TEK: variants seen among roughly 807,000 people sequenced by gnomAD.
The protein encoded by TEK is TEK receptor tyrosine kinase.
TEK carries 43 observed loss-of-function variants against 131.8 expected under a neutral mutation model. The observed-to-expected ratio is 0.33, with a 90% CI of 0.26 to 0.42. The LOEUF is 0.42. Ranked by LOEUF, TEK falls within the 10% of genes least tolerant of loss-of-function variation. The pLI, the probability that TEK is intolerant of heterozygous loss-of-function variation, is 1.00. For synonymous variants in TEK, 580 were observed against 491.6 expected, an observed-to-expected ratio of 1.18 and a Z score of -2.38; for missense variants, 1,162 against 1,384.4, an observed-to-expected ratio of 0.84 and a Z score of 2.55.
intron 9 of TEK, among the ~76,000 whole-genome samples, chr9:27,185,977 G>T (rs1319927101): frequency 6.6e-6 from 1 of 152,124 alleles, no homozygotes; most frequent in Non-Finnish European, 1.5e-5. Context: ...TACAATACTT[G>T]GAGTTGTGTC....
chr9:27,162,551 G>T (rs547296136), intron 2 of TEK, among the ~76,000 whole-genome samples: 2 of 152,242 alleles, frequency 1.3e-5, no homozygotes, highest in African/African-American at 4.8e-5. Context: ...TTTCATTTGA[G>T]AAATAGCTTT....
intron 16 of TEK, among the ~76,000 whole-genome samples, chr9:27,209,783 G>A (rs1330013033): frequency 6.6e-6 from 1 of 152,198 alleles, no homozygotes; most frequent in South Asian, 2.1e-4. Context: ...ATCCTGTGTT[G>A]CACATGCATT....
chr9:27,140,733 T>G (rs6475968), intron 1 of TEK, among the ~76,000 whole-genome samples: 4 of 151,890 alleles, frequency 2.6e-5, no homozygotes, highest in Non-Finnish European at 5.9e-5. Context: ...TGCTATCTTC[T>G]AAAACTATTA....
chr9:27,180,272 A>G lies in TEK; in HGVS notation c.934A>G (p.Lys312Glu), dbSNP rs1483032110. 6.2e-7 allele frequency: 1 copy of G among 1,613,730 alleles called. No individual in the cohort carries two copies. The highest frequency in any genetic ancestry group is 1.3e-5 in the African/African-American group (1 of 74,878). The change falls in exon 7 of 23, where the codon AAG becomes GAG. Residue 312 changes from lysine (K) to glutamate (E), a missense_variant. By Grantham distance (56) the Lys-to-Glu change is moderately conservative. Coordinates refer to ENST00000380036, the MANE Select transcript of TEK (RefSeq NM_000459.5). ...CHPGFYGPDCKLRCSCNNGEM... is the reference protein window; with the variant it reads ...CHPGFYGPDCELRCSCNNGEM... ...CCCTGGTTTTTACGGGCCAGATTGT[A>G]AGCTTAGGTGCAGCTGCAACAATGG... is the stretch of plus-strand genomic sequence containing the variant.
chr9:27,224,140 G>T (rs1587054414), intron 21 of TEK, among the ~76,000 whole-genome samples: 1 of 152,150 alleles, frequency 6.6e-6, no homozygotes, highest in Non-Finnish European at 1.5e-5. Context: ...ACCAAAAAAA[G>T]TCCAGGACCA....
intron 1 of TEK, among the ~76,000 whole-genome samples, chr9:27,144,914 G>T (rs1308890487): frequency 6.6e-6 from 1 of 152,172 alleles, no homozygotes. Context: ...AAAATATTGG[G>T]AGAGTATATT....
At chr9:27,137,455 GC>G (rs67472543) in intron 1 of TEK, among the ~76,000 whole-genome samples, 78,507 of 151,576 alleles carry the variant, frequency 0.52, 21,276 homozygotes, top group African/African-American at 0.57. Context: ...AATTCTACTA[GC>G]TTAAAAGAAT....
chr9:27,123,198 T>G (rs569877302), intron 1 of TEK, among the ~76,000 whole-genome samples: 1 of 148,780 alleles, frequency 6.7e-6, no homozygotes, highest in South Asian at 2.2e-4. Flanking sequence ...GGGAGGGAGA[T>G]GGGGCGGGTA....
chr9:27,147,744 G>A (rs1176104713), intron 1 of TEK, among the ~76,000 whole-genome samples: 1 of 152,076 alleles, frequency 6.6e-6, no homozygotes, highest in Non-Finnish European at 1.5e-5. Context: ...TATTTTTAGT[G>A]AATTTTTGTA....
Position 27,117,414 on chromosome 9 carries a change from C to T in TEK, c.52+7772C>T, listed in dbSNP as rs190862348. Among the ~76,000 whole-genome samples the T allele has an allele frequency of 4.5e-4, 69 of 152,304 alleles. 1 individual carries two copies. The East Asian group carries it at 7.0e-3, about 15-fold the overall frequency. ...CCCTATTCTTACCCATCTGGCCAGA[C>T]GATTCCTTAACTCGTGTTACACCTG... On this transcript the variant is annotated intron_variant, in intron 1 of 22. Transcript: ENST00000380036.
At chr9:27,194,040 C>G (rs1445554086) in intron 11 of TEK, among the ~76,000 whole-genome samples, 2 of 152,138 alleles carry the variant, frequency 1.3e-5, no homozygotes, top group East Asian at 3.9e-4. Flanking sequence ...ACTCCTGCCT[C>G]AAGCAGTCCC....
intron 4 of TEK, among the ~76,000 whole-genome samples, chr9:27,171,282 A>G (rs1298531069): frequency 6.6e-6 from 1 of 152,182 alleles, no homozygotes; most frequent in Non-Finnish European, 1.5e-5. Context: ...CTTCAGGTCT[A>G]AATGCCTGGG....
At chr9:27,109,699 T>A in intron 1 of TEK, 57 bp downstream of exon 1, 1 of 1,570,254 alleles carries the variant, frequency 6.4e-7, no homozygotes, top group Non-Finnish European at 8.7e-7. Flanking sequence ...AGTTAGTGAT[T>A]TCTGGGTGCT....
At chr9:27,183,139 T>G (rs1014324421) in intron 7 of TEK, among the ~76,000 whole-genome samples, 1 of 152,198 alleles carries the variant, frequency 6.6e-6, no homozygotes, top group South Asian at 2.1e-4. Context: ...AGGGGAGATA[T>G]GGCCATGATA....
At chr9:27,167,078 A>G (rs1823757117) in intron 2 of TEK, among the ~76,000 whole-genome samples, 1 of 152,172 alleles carries the variant, frequency 6.6e-6, no homozygotes, top group Non-Finnish European at 1.5e-5. Flanking sequence ...GCAGATTATG[A>G]TATAAGTTAA....
intron 6 of TEK, 39 bp from the exon 7 acceptor site, chr9:27,180,201 C>T (rs1476718626): frequency 6.2e-6 from 10 of 1,612,654 alleles, no homozygotes; most frequent in African/African-American, 2.7e-5. Context: ...CCTCTCTTCC[C>T]CTGGATTAAT....
At chr9:27,225,631 A>G (rs1826291665) in intron 21 of TEK, among the ~76,000 whole-genome samples, 1 of 152,146 alleles carries the variant, frequency 6.6e-6, no homozygotes, top group Non-Finnish European at 1.5e-5. Flanking sequence ...AACCATAAAA[A>G]CCCTAGAAGA....
chr9:27,136,183 G>T (rs1356243406), intron 1 of TEK, among the ~76,000 whole-genome samples: 1 of 151,232 alleles, frequency 6.6e-6, no homozygotes, highest in Non-Finnish European at 1.5e-5. Flanking sequence ...CCAGGTTCAG[G>T]CAATTCTTCT....
At chr9:27,215,692 A>G (rs35276151) in intron 18 of TEK, among the ~76,000 whole-genome samples, 5,276 of 152,096 alleles carry the variant, frequency 0.035, 127 homozygotes, top group Non-Finnish European at 0.055. Context: ...TGGATTTGTT[A>G]GTACAATGTT....
Sources: allele counts gnomAD v4.1 joint callset (sites outside exome capture counted in the v4.1 genomes callset), GRCh38; gene constraint gnomAD v4.1.1; transcripts MANE v1.5; gene names NCBI Gene and HGNC (gene_info 2026-07-23, HGNC 2026-07-21).